The following MACROH2A1 variants were observed in gnomAD, a reference collection of about 807,000 sequenced individuals.
MACROH2A1 encodes macroH2A.1 histone.
A neutral mutation model predicts 31.6 loss-of-function variants in MACROH2A1; 2 were observed. That is an observed-to-expected ratio of 0.06 (90% confidence interval 0.03 to 0.20). The LOEUF is 0.20. MACROH2A1 is among the 10% of genes least tolerant of loss of function. MACROH2A1 has a pLI of 1.00. For synonymous variants in MACROH2A1, 169 were observed against 189.6 expected, an observed-to-expected ratio of 0.89 and a Z score of 0.89; for missense variants, 230 against 474.0, an observed-to-expected ratio of 0.49 and a Z score of 4.78.
Position 135,369,048 on chromosome 5 carries a change from A to G in MACROH2A1, c.477+358T>C, listed in dbSNP as rs1210662827. Among the ~76,000 whole-genome samples, 1 of 152,254 alleles carries G rather than the reference A, an allele frequency of 6.6e-6. No individual in the cohort carries two copies. Among genetic ancestry groups the G allele is most frequent in the African/African-American group, 2.4e-5 (1 of 41,470 alleles). On this transcript the variant is annotated intron_variant, in intron 4 of 8. Transcript: ENST00000511689. The surrounding 1 kb of genome is among the most constrained non-coding windows in gnomAD (Gnocchi z 4.3). ...CATGCAGGTAGCTGGCCACAGGACT[A>G]GACAGTGGCTGTCCCCTAACACAGG...
chr5:135,357,188 C>G (rs1762277600), intron 5 of MACROH2A1: 1 of 152,192 alleles, frequency 6.6e-6, no homozygotes, highest in African/African-American at 2.4e-5. Flanking sequence ...TCTAGTGTGT[C>G]CAGCTAGAAA....
In MACROH2A1 at chr5:135,398,887, C is replaced by T. The variant is rs1330969630; in HGVS notation, c.-34+175G>A. Reference sequence around the variant, plus strand: ...GGAATCCCGCGCGGCCCGACAAGGCCTGGGAGGACGTAGTGCACGCGCGAG... The same window carrying T: ...GGAATCCCGCGCGGCCCGACAAGGCTTGGGAGGACGTAGTGCACGCGCGAG... On this transcript the variant is annotated intron_variant, in intron 1 of 8. Coordinates refer to ENST00000511689, the MANE Select transcript of MACROH2A1 (RefSeq NM_138610.3). The surrounding 1 kb of genome is among the most constrained non-coding windows in gnomAD (Gnocchi z 4.6). Among the ~76,000 whole-genome samples, 6 of 151,634 alleles carry T rather than the reference C, an allele frequency of 4.0e-5. No individual in the cohort carries two copies. Among genetic ancestry groups the T allele is most frequent in the Non-Finnish European group, 5.9e-5 (4 of 67,850 alleles).
intron 1 of MACROH2A1, among the ~76,000 whole-genome samples, chr5:135,394,189 G>A (rs899430643): frequency 5.3e-5 from 8 of 152,170 alleles, no homozygotes; most frequent in African/African-American, 1.7e-4. Context: ...GCTGCTCCCT[G>A]CACTGCAAAC....
intron 8 of MACROH2A1, among the ~76,000 whole-genome samples, chr5:135,339,878 A>C (rs1435068071): frequency 6.6e-6 from 1 of 152,334 alleles, no homozygotes; most frequent in Middle Eastern, 3.4e-3. Flanking sequence ...GCAGCCCCAA[A>C]GTGGCCTCCC....
At chr5:135,335,675 G>A (rs1758539639) in intron 8 of MACROH2A1, among the ~76,000 whole-genome samples, 1 of 152,234 alleles carries the variant, frequency 6.6e-6, no homozygotes, top group Admixed American at 6.5e-5. Flanking sequence ...AACGCAGGGA[G>A]CTGTGGGCTC....
intron 8 of MACROH2A1, among the ~76,000 whole-genome samples, chr5:135,336,542 CTCT>C (rs1758712792): frequency 6.6e-6 from 1 of 152,244 alleles, no homozygotes; most frequent in Non-Finnish European, 1.5e-5. Context: ...GCGCATACAA[CTCT>C]TCCCATGAGA....
intron 5 of MACROH2A1, chr5:135,355,934 A>G (rs1437020562): frequency 2.6e-5 from 4 of 152,312 alleles, no homozygotes; most frequent in Non-Finnish European, 5.9e-5. Flanking sequence ...CATCTGAAGT[A>G]CATGGCAGAG....
In MACROH2A1 at chr5:135,398,665, G is replaced by A. The variant is rs1197428062; in HGVS notation, c.-34+397C>T. Among the ~76,000 whole-genome samples, 1 of 152,130 alleles carries A rather than the reference G, an allele frequency of 6.6e-6. No individual in the cohort carries two copies. The highest frequency in any genetic ancestry group is 1.5e-5 in the Non-Finnish European group (1 of 67,998). ...ACTCTGCTCACAGCAGCTCCCGGGT[G>A]CCCAGGCCCAGACTGCCTAGCCAGC... On this transcript the variant is annotated intron_variant, in intron 1 of 8. Coordinates refer to ENST00000511689, the MANE Select transcript of MACROH2A1 (RefSeq NM_138610.3). This position sits in a 1 kb window ranked among gnomAD's most constrained non-coding sequence, Gnocchi z 4.6.
chr5:135,341,730 A>G (rs983290052), intron 8 of MACROH2A1, among the ~76,000 whole-genome samples: 3 of 152,252 alleles, frequency 2.0e-5, no homozygotes, highest in Admixed American at 6.5e-5. Context: ...GGCCTGCCTA[A>G]GCGGAAAATG....
At chr5:135,394,598 C>G (rs1434618242) in intron 1 of MACROH2A1, among the ~76,000 whole-genome samples, 2 of 152,182 alleles carry the variant, frequency 1.3e-5, no homozygotes, top group Non-Finnish European at 2.9e-5. Context: ...AATTATTTTT[C>G]TTAGTCTTAT....
chr5:135,390,531 T>G (rs927921905), intron 1 of MACROH2A1, among the ~76,000 whole-genome samples: 4 of 152,078 alleles, frequency 2.6e-5, no homozygotes, highest in Admixed American at 1.3e-4. Context: ...CAGTGCAGGG[T>G]GCTGGGAGAG....
upstream of MACROH2A1, chr5:135,399,647 A>G (rs946112583): frequency 6.6e-6 from 1 of 151,896 alleles, no homozygotes; most frequent in South Asian, 2.1e-4. This position sits in a 1 kb window ranked among gnomAD's most constrained non-coding sequence, Gnocchi z 4.5. Context: ...TTCCCTCCCC[A>G]GTCAATGCCA....
chr5:135,380,609 G>A (rs1765533302), intron 2 of MACROH2A1, among the ~76,000 whole-genome samples: 1 of 152,218 alleles, frequency 6.6e-6, no homozygotes, highest in South Asian at 2.1e-4. Flanking sequence ...ACAGTCCCAT[G>A]TCAGCCTCGA....
At chr5:135,353,930 A>G (rs1761884343) in intron 5 of MACROH2A1, 2 of 152,260 alleles carry the variant, frequency 1.3e-5, no homozygotes, top group South Asian at 2.1e-4. Flanking sequence ...TAATGGGCCT[A>G]GGACTGCTGT....
chr5:135,372,242 G>C (rs147417081), intron 2 of MACROH2A1, among the ~76,000 whole-genome samples: 22 of 152,312 alleles, frequency 1.4e-4, no homozygotes, highest in African/African-American at 5.3e-4. Flanking sequence ...GTGATACAGA[G>C]AGTGATAAAG....
At chr5:135,365,814 C>A (rs1763429565) in intron 4 of MACROH2A1, among the ~76,000 whole-genome samples, 1 of 152,192 alleles carries the variant, frequency 6.6e-6, no homozygotes, top group Non-Finnish European at 1.5e-5. Context: ...GGACAGAGAT[C>A]CACAAACAAT....
intron 7 of MACROH2A1, 168 bp downstream of exon 7, chr5:135,345,800 G>A (rs981312251): frequency 2.1e-5 from 12 of 564,742 alleles, no homozygotes; most frequent in Non-Finnish European, 2.6e-5. Context: ...CAGACAACCT[G>A]CATGTGGTGA....
intron 2 of MACROH2A1, among the ~76,000 whole-genome samples, chr5:135,372,791 G>A (rs1377951348): frequency 6.6e-6 from 1 of 152,214 alleles, no homozygotes; most frequent in South Asian, 2.1e-4. Context: ...GTGCTGGGCA[G>A]AATCCTCACG....
Position 135,388,984 on chromosome 5 carries a change from G to C in MACROH2A1, c.110C>G (p.Pro37Arg). Residue 37 changes from proline (P) to arginine (R), a missense_variant, in exon 2 of 9, where the codon CCC becomes CGC. This residue lies in a region of MACROH2A1 where 47 missense variants were observed against 154.7 expected (regional missense o/e 0.30). Coordinates refer to ENST00000511689, the MANE Select transcript of MACROH2A1 (RefSeq NM_138610.3). ...TGCCCCCACTCCAATCCTGTACTTG[G>C]GGTGGCCTTTCTTGATGTACCGCAG... is the stretch of plus-strand genomic sequence containing the variant. Reference protein sequence around the residue: ...RMLRYIKKGHPKYRIGVGAPV... With the variant: ...RMLRYIKKGHRKYRIGVGAPV... The C allele has an allele frequency of 5.0e-6, 8 of 1,613,868 alleles. No homozygotes were observed. Among genetic ancestry groups the C allele is most frequent in the Non-Finnish European group, 6.8e-6 (8 of 1,179,802 alleles).
Sources: gnomAD v4.1 joint callset for allele counts (sites outside exome capture counted in the v4.1 genomes callset) on GRCh38, gnomAD v4.1.1 for gene constraint, gnomAD v4.1.1 regional missense constraint, Gnocchi (gnomAD v3.1) non-coding constraint, MANE v1.5 for transcripts, NCBI Gene and HGNC (gene_info 2026-07-23, HGNC 2026-07-21) for gene names.